RAB8B: variants seen among roughly 807,000 people sequenced by gnomAD.
RAB8B encodes the protein RAB8B, member RAS oncogene family, also known as ras-related protein Rab-8B.
RAB8B carries 11 observed loss-of-function variants against 32.0 expected under a neutral mutation model. That is an observed-to-expected ratio of 0.34 (90% confidence interval 0.22 to 0.57). RAB8B has a LOEUF of 0.57. RAB8B is among the 20% of genes least tolerant of loss of function. The probability of loss-of-function intolerance (pLI) is 0.86; values close to 1 mark genes in which losing one functional copy is unlikely to be tolerated. For synonymous variants in RAB8B, 103 were observed against 89.6 expected, an observed-to-expected ratio of 1.15 and a Z score of -0.85; for missense variants, 190 against 258.5, an observed-to-expected ratio of 0.73 and a Z score of 1.82.
chr15:63,242,099 C>G (rs1400308772), intron 1 of RAB8B, among the ~76,000 whole-genome samples: 1 of 150,402 alleles, frequency 6.6e-6, no homozygotes, highest in Admixed American at 6.6e-5. Context: ...TTGCAGCAAC[C>G]TAATATTTAT....
chr15:63,219,055 T>G (rs1424694853), intron 1 of RAB8B, among the ~76,000 whole-genome samples: 11 of 122,918 alleles, frequency 8.9e-5, no homozygotes, highest in Admixed American at 2.0e-4. Context: ...GATCACCAGG[T>G]GCCGGGAGAC....
At chr15:63,229,780 CAAA>C (rs56015501) in intron 1 of RAB8B, among the ~76,000 whole-genome samples, 37 of 35,970 alleles carry the variant, frequency 1.0e-3, no homozygotes, top group African/African-American at 3.1e-3. Flanking sequence ...GACGCTGTTT[CAAA>C]AAAAAAAAAA....
intron 1 of RAB8B, among the ~76,000 whole-genome samples, chr15:63,192,422 C>T (rs1469832442): frequency 6.6e-6 from 1 of 152,168 alleles, no homozygotes; most frequent in Non-Finnish European, 1.5e-5. Context: ...AGGTGACAGC[C>T]CATCTCCTCC....
At chr15:63,223,081 C>A (rs1392700286) in intron 1 of RAB8B, 1 of 455,534 alleles carries the variant, frequency 2.2e-6, no homozygotes, top group Non-Finnish European at 4.4e-6. Flanking sequence ...ATGGTAAGTA[C>A]CCTATATAGG....
intron 1 of RAB8B, among the ~76,000 whole-genome samples, chr15:63,216,911 T>A (rs2037797308): frequency 1.3e-5 from 2 of 151,940 alleles, no homozygotes; most frequent in Admixed American, 1.3e-4. Flanking sequence ...CCTTTTTTAG[T>A]CATAAAGTGG....
At position 63,244,847 on chromosome 15, in the gene RAB8B, T is replaced by G. The variant is rs766068334; in HGVS notation, c.185+31T>G. 3 of 1,510,488 alleles carry G rather than the reference T, an allele frequency of 2.0e-6. No homozygotes were observed. The South Asian group carries it at 3.6e-5, about 18-fold the overall frequency. The allele number at this position is 1,510,488 out of a possible 1,614,324, so 93.6% of individuals were successfully genotyped here. On this transcript the variant is annotated intron_variant, in intron 2 of 7. Transcript: ENST00000321437. ...TAAACACACACACAGAGTTTCTGCTTTAATTGGGAATTGAAAGTAGGAATT... is the reference window on the plus strand; with the variant it reads ...TAAACACACACACAGAGTTTCTGCTGTAATTGGGAATTGAAAGTAGGAATT...
At chr15:63,192,439 A>G (rs531685613) in intron 1 of RAB8B, among the ~76,000 whole-genome samples, 1 of 152,272 alleles carries the variant, frequency 6.6e-6, no homozygotes, top group South Asian at 2.1e-4. Context: ...CTCCCTAGTC[A>G]TGAAGTACCT....
intron 2 of RAB8B, among the ~76,000 whole-genome samples, chr15:63,246,153 G>A (rs1289336762): frequency 6.6e-6 from 1 of 152,202 alleles, no homozygotes; most frequent in Non-Finnish European, 1.5e-5. Flanking sequence ...GATTACAGGC[G>A]TGAGCCACTG....
Position 63,189,655 on chromosome 15 carries a change from C to G in RAB8B, c.31C>G (p.Leu11Val), listed in dbSNP as rs778733798. The G allele has an allele frequency of 3.7e-6, 6 of 1,613,916 alleles. No homozygotes were observed. The highest frequency in any genetic ancestry group is 1.7e-5 in the Admixed American group (1 of 60,006). Residue 11 changes from leucine (L) to valine (V), a missense_variant, in exon 1 of 8, where the codon CTC becomes GTC. Coordinates refer to ENST00000321437, the MANE Select transcript of RAB8B (RefSeq NM_016530.3). ...GAAGACGTACGATTATCTCTTCAAGCTCCTGCTGATCGGCGACTCGGGGGT... is the reference window on the plus strand; with the variant it reads ...GAAGACGTACGATTATCTCTTCAAGGTCCTGCTGATCGGCGACTCGGGGGT... MAKTYDYLFK[L>V]LLIGDSGVGK...
At chr15:63,240,618 A>G (rs556477239) in intron 1 of RAB8B, among the ~76,000 whole-genome samples, 4 of 151,052 alleles carry the variant, frequency 2.6e-5, no homozygotes, top group Non-Finnish European at 5.9e-5. Flanking sequence ...TTTTTTCCAT[A>G]TGGTGCTAAT....
At chr15:63,242,508 C>G (rs950399122) in intron 1 of RAB8B, among the ~76,000 whole-genome samples, 4 of 152,054 alleles carry the variant, frequency 2.6e-5, no homozygotes, top group African/African-American at 9.7e-5. Flanking sequence ...GAAACCCCGT[C>G]TCCACTAAAA....
chr15:63,211,101 G>C (rs1325032134), intron 1 of RAB8B, among the ~76,000 whole-genome samples: 1 of 152,186 alleles, frequency 6.6e-6, no homozygotes, highest in African/African-American at 2.4e-5. Flanking sequence ...TCCTATGGTT[G>C]GTTTGAGATG....
chr15:63,255,591 G>A lies in RAB8B; in HGVS notation c.324+7G>A. On this transcript the variant is annotated splice_region_variant and intron_variant, in intron 4 of 7. Coordinates refer to ENST00000321437, the MANE Select transcript of RAB8B (RefSeq NM_016530.3). Reference sequence around the variant, plus strand: ...GATCAGAAACATTGAAGAGGTATGTGTGGAAAGAGAATGGTGACATTGGAG... The same window carrying A: ...GATCAGAAACATTGAAGAGGTATGTATGGAAAGAGAATGGTGACATTGGAG... The A allele has an allele frequency of 1.3e-6, 2 of 1,580,892 alleles. No homozygotes were observed. Among genetic ancestry groups the A allele is most frequent in the Non-Finnish European group, 1.7e-6 (2 of 1,149,796 alleles).
intron 1 of RAB8B, among the ~76,000 whole-genome samples, chr15:63,212,313 C>T (rs928514522): frequency 6.6e-6 from 1 of 152,132 alleles, no homozygotes; most frequent in Non-Finnish European, 1.5e-5. Context: ...TTTAAACATC[C>T]GGGGTTGTGA....
At chr15:63,232,303 A>T (rs934645964) in intron 1 of RAB8B, among the ~76,000 whole-genome samples, 1 of 152,214 alleles carries the variant, frequency 6.6e-6, no homozygotes, top group Non-Finnish European at 1.5e-5. Flanking sequence ...TTAACCTTAC[A>T]AATTAAAGCC....
intron 1 of RAB8B, among the ~76,000 whole-genome samples, chr15:63,242,505 C>T (rs555350827): frequency 1.8e-4 from 28 of 152,062 alleles, no homozygotes; most frequent in Admixed American, 4.6e-4. Context: ...GGTGAAACCC[C>T]GTCTCCACTA....
chr15:63,192,008 A>C (rs1321952602), intron 1 of RAB8B, among the ~76,000 whole-genome samples: 1 of 152,234 alleles, frequency 6.6e-6, no homozygotes, highest in Non-Finnish European at 1.5e-5. Context: ...ACAGATTAGA[A>C]TAGGAAGTGA....
chr15:63,227,355 T>G (rs1429515523), intron 1 of RAB8B, among the ~76,000 whole-genome samples: 1 of 152,178 alleles, frequency 6.6e-6, no homozygotes, highest in Non-Finnish European at 1.5e-5. Context: ...GCCCCAGGCT[T>G]GCCTGAGGAC....
chr15:63,253,303 ATTCT>A (rs1485681864), intron 3 of RAB8B, among the ~76,000 whole-genome samples: 1 of 152,150 alleles, frequency 6.6e-6, no homozygotes, highest in Non-Finnish European at 1.5e-5. Context: ...TATTTCATGT[ATTCT>A]TTGTCTATGT....
Sources: allele counts gnomAD v4.1 joint callset (sites outside exome capture counted in the v4.1 genomes callset), GRCh38; gene constraint gnomAD v4.1.1; transcripts MANE v1.5; gene names NCBI Gene and HGNC (gene_info 2026-07-23, HGNC 2026-07-21).